The following MYO3B variants were observed in gnomAD, a reference collection of about 807,000 sequenced individuals.
The protein encoded by MYO3B is myosin IIIB.
A neutral mutation model predicts 174.6 loss-of-function variants in MYO3B; 156 were observed. The ratio of observed to expected loss-of-function variants is 0.89; its 90% CI spans 0.78 to 1.02. MYO3B has a LOEUF of 1.02. Ranked by LOEUF, MYO3B falls within the 50% of genes least tolerant of loss-of-function variation. The probability of loss-of-function intolerance (pLI) is 0.00; values close to 1 mark genes in which losing one functional copy is unlikely to be tolerated. For missense variants in MYO3B, 1,632 were observed against 1,639.4 expected (o/e 1.00, Z 0.08); for synonymous variants, 563 against 569.1 (o/e 0.99, Z 0.15).
At position 170,192,640 on chromosome 2, in the gene MYO3B, TA is replaced by T. The variant is rs201009967; in HGVS notation, c.3-6560del. Among the ~76,000 whole-genome samples, 1,443 of 151,396 alleles carry T rather than the reference TA, an allele frequency of 9.5e-3. 12 individuals carry two copies. The highest frequency in any genetic ancestry group is 0.031 in the Middle Eastern group (9 of 294). On this transcript the variant is annotated intron_variant, in intron 1 of 34. Transcript: ENST00000408978. ...ATTTCTACCTTTTTGAATAGAATAT[TA>T]AAAAAAATTTCTTTTTAATTATAAT...
intron 9 of MYO3B, among the ~76,000 whole-genome samples, chr2:170,373,403 C>T (rs2105702438): frequency 6.6e-6 from 1 of 152,216 alleles, no homozygotes; most frequent in South Asian, 2.1e-4. Flanking sequence ...CTGGGCCCTC[C>T]AGCTGTAGCA....
rs571671660 is a variant in MYO3B at position 170,482,159 on chromosome 2, C to CTT, written c.3014+15461_3014+15462dup. On this transcript the variant is annotated intron_variant, in intron 25 of 34. Coordinates refer to ENST00000408978, the MANE Select transcript of MYO3B (RefSeq NM_138995.5). ...GAGTTTTCCTGCACAAGTTCTCTCT[C>CTT]TTTTTTTTTTTTTTGAGACAGGGTC... Among the ~76,000 whole-genome samples the CTT allele has an allele frequency of 6.6e-4, 95 of 143,874 alleles. 3 individuals carry two copies. In the East Asian group the frequency reaches 0.011, roughly 17 times the overall value. The allele number at this position is 143,874 out of a possible 152,430, so 94.4% of individuals were successfully genotyped here.
At chr2:170,340,611 A>G (rs2093971354) in intron 8 of MYO3B, 1 of 152,210 alleles carries the variant, frequency 6.6e-6, no homozygotes, top group Non-Finnish European at 1.5e-5. Flanking sequence ...GTTAGGTTTA[A>G]TGAATGATGG....
At chr2:170,404,831 A>G (rs1371254224) in intron 20 of MYO3B, among the ~76,000 whole-genome samples, 1 of 152,162 alleles carries the variant, frequency 6.6e-6, no homozygotes, top group African/African-American at 2.4e-5. Context: ...TACCCTGGAC[A>G]TCCCAGCTAG....
intron 32 of MYO3B, among the ~76,000 whole-genome samples, chr2:170,608,163 G>C (rs925043944): frequency 6.6e-6 from 1 of 152,164 alleles, no homozygotes; most frequent in Admixed American, 6.5e-5. Flanking sequence ...AGCCAAGATT[G>C]GGCCACTGCA....
intron 25 of MYO3B, among the ~76,000 whole-genome samples, chr2:170,476,401 G>A (rs762512520): frequency 2.6e-5 from 4 of 152,136 alleles, no homozygotes; most frequent in Non-Finnish European, 5.9e-5. Context: ...CTTGTCTTGC[G>A]CCCCAGAAGA....
At chr2:170,533,477 A>G (rs999784233) in intron 30 of MYO3B, among the ~76,000 whole-genome samples, 1 of 152,118 alleles carries the variant, frequency 6.6e-6, no homozygotes, top group Non-Finnish European at 1.5e-5. Context: ...ACAGCATGAA[A>G]AGGGTGTAAT....
intron 1 of MYO3B, among the ~76,000 whole-genome samples, chr2:170,182,952 A>T (rs1213742145): frequency 6.6e-6 from 1 of 151,794 alleles, no homozygotes; most frequent in Non-Finnish European, 1.5e-5. Flanking sequence ...TCATTTTGTC[A>T]AATTCTTAAA....
intron 32 of MYO3B, among the ~76,000 whole-genome samples, chr2:170,625,655 A>G (rs1332726946): frequency 6.6e-6 from 1 of 152,104 alleles, no homozygotes; most frequent in African/African-American, 2.4e-5. Context: ...TAGGGTGTCA[A>G]TTTTAGATCT....
At chr2:170,489,634 GGT>G (rs369174830) in intron 25 of MYO3B, among the ~76,000 whole-genome samples, 4,896 of 139,142 alleles carry the variant, frequency 0.035, 105 homozygotes, top group Middle Eastern at 0.04. Context: ...AACCAGTAGG[GGT>G]GTGTGTGTGT....
At chr2:170,505,254 T>A (rs901963411) in intron 28 of MYO3B, among the ~76,000 whole-genome samples, 1 of 152,092 alleles carries the variant, frequency 6.6e-6, no homozygotes, top group Non-Finnish European at 1.5e-5. Context: ...TATCAGTTTC[T>A]TTTCTGCGGG....
chr2:170,243,649 A>G (rs1198209291), intron 7 of MYO3B, among the ~76,000 whole-genome samples: 2 of 152,236 alleles, frequency 1.3e-5, no homozygotes, highest in African/African-American at 4.8e-5. Flanking sequence ...CATAGTAAGC[A>G]TTCAATTCAT....
intron 23 of MYO3B, among the ~76,000 whole-genome samples, chr2:170,445,821 A>G (rs1163586837): frequency 1.3e-5 from 2 of 152,126 alleles, no homozygotes; most frequent in Middle Eastern, 3.2e-3. Context: ...TTTTTTTTGT[A>G]GAGATGAGGT....
At chr2:170,259,309 A>G (rs190881903) in intron 7 of MYO3B, among the ~76,000 whole-genome samples, 246 of 152,316 alleles carry the variant, frequency 1.6e-3, no homozygotes, top group African/African-American at 5.4e-3. Context: ...CTCAACTTCA[A>G]ACTATACTGC....
intron 7 of MYO3B, among the ~76,000 whole-genome samples, chr2:170,256,934 A>G (rs2105342146): frequency 6.6e-6 from 1 of 152,308 alleles, no homozygotes; most frequent in East Asian, 1.9e-4. Flanking sequence ...AAAAATAAAA[A>G]AGAGCAGGGG....
At chr2:170,305,422 A>T (rs767187710) in intron 7 of MYO3B, among the ~76,000 whole-genome samples, 3 of 152,248 alleles carry the variant, frequency 2.0e-5, no homozygotes, top group Non-Finnish European at 4.4e-5. Flanking sequence ...TTCCACACTT[A>T]TTCCTCCAGA....
rs2094486714 is a variant in MYO3B, at chr2:170,402,863, A to G, written c.2145A>G (p.Gly715=). The change falls in exon 19 of 35, where the codon GGA becomes GGG. Residue 715 remains glycine (G), a synonymous_variant. Transcript: ENST00000408978. ...PDENICSAGG[G]MNVGILDIFG... ...TCTCATGCAGTAGTGCAGGAGGTGGAATGAATGTGGGGATCTTGGATATCT... is the reference window on the plus strand; with the variant it reads ...TCTCATGCAGTAGTGCAGGAGGTGGGATGAATGTGGGGATCTTGGATATCT... 6.2e-7 allele frequency: 1 copy of G among 1,610,730 alleles called. No individual in the cohort carries two copies. The highest frequency in any genetic ancestry group is 1.7e-5 in the Admixed American group (1 of 59,976).
chr2:170,199,006 A>G (rs142098324), intron 1 of MYO3B, among the ~76,000 whole-genome samples: 153 of 152,302 alleles, frequency 1.0e-3, no homozygotes, highest in Middle Eastern at 3.4e-3. Context: ...TTTCAGAGCC[A>G]TGTTACTCCT....
At chr2:170,178,374 G>A in intron 1 of MYO3B, 85 bp downstream of exon 1, 1 of 1,543,364 alleles carries the variant, frequency 6.5e-7, no homozygotes. Context: ...AGCTGCCCTG[G>A]CTGGTGGGCA....
Sources: gnomAD v4.1 joint callset for allele counts (sites outside exome capture counted in the v4.1 genomes callset) on GRCh38, gnomAD v4.1.1 for gene constraint, MANE v1.5 for transcripts, NCBI Gene and HGNC (gene_info 2026-07-23, HGNC 2026-07-21) for gene names.